HERC2: variants seen among roughly 807,000 people sequenced by gnomAD.
HERC2 encodes HECT and RLD domain containing E3 ubiquitin protein ligase 2.
HERC2 carries 102 observed loss-of-function variants against 537.7 expected under a neutral mutation model. The ratio of observed to expected loss-of-function variants is 0.19; its 90% CI spans 0.16 to 0.22. The LOEUF is 0.22. Ranked by LOEUF, HERC2 falls within the 10% of genes least tolerant of loss-of-function variation. The pLI is 1.00. For missense variants in HERC2, 4,236 were observed against 6,198.2 expected (o/e 0.68, Z 10.63); for synonymous variants, 2,224 against 2,466.2 (o/e 0.90, Z 2.91).
chr15:28,228,149 AG>A, intron 35 of HERC2, 68 bp downstream of exon 35: 1 of 1,345,450 alleles, frequency 7.4e-7, no homozygotes. Flanking sequence ...AAAAAAGAAA[AG>A]AAAAGAAAAG....
At position 28,256,092 on chromosome 15, in the gene HERC2, C is replaced by T. The variant is rs550587588; in HGVS notation, c.2743G>A (p.Ala915Thr). ...CCTGTTCCTTCCCCAGGCCCACCTG[C>T]GCAGGGCAGGAGAGCAGAGAGTGCC... The part of the protein sequence containing the change: ...ARALSALLPC[A>T]VSGNEVNISP... The change falls in exon 18 of 93, where the codon GCA becomes ACA. Residue 915 changes from alanine (A) to threonine (T), a missense_variant. Physicochemically the swap from Ala to Thr is moderately conservative, Grantham distance 58. Transcript: ENST00000261609. 1.1e-5 allele frequency: 17 copies of T among 1,603,528 alleles called. 1 individual carries two copies. Among genetic ancestry groups the T allele is most frequent in the East Asian group, 6.7e-5 (3 of 44,836 alleles).
Position 28,280,272 on chromosome 15 carries a change from T to A in HERC2, c.338A>T (p.Lys113Met). 1 of 1,609,854 alleles carries A rather than the reference T, an allele frequency of 6.2e-7. No homozygotes were observed. Among genetic ancestry groups the A allele is most frequent in the Non-Finnish European group, 8.5e-7 (1 of 1,178,650 alleles). ...WGKQPDVNELKECLSVLVKEQ... is the reference protein window; with the variant it reads ...WGKQPDVNELMECLSVLVKEQ... Reference sequence around the variant, plus strand: ...TTTAACCAGCACAGAAAGACACTCCTTCAGTTCATTCACATCTAGAAAATA... The same window carrying A: ...TTTAACCAGCACAGAAAGACACTCCATCAGTTCATTCACATCTAGAAAATA... Residue 113 changes from lysine to methionine, a missense_variant, in exon 5 of 93, where the codon AAG (lysine) becomes ATG (methionine). By Grantham distance (95) the Lys-to-Met change is moderately conservative (BLOSUM62 -1). Transcript: ENST00000261609.
chr15:28,279,796 G>C, intron 5 of HERC2, among the ~76,000 whole-genome samples: 1 of 152,050 alleles, frequency 6.6e-6, no homozygotes, highest in Non-Finnish European at 1.5e-5. Flanking sequence ...CTGGGTGACA[G>C]AGCAAGACAT....
At chr15:28,160,605 G>C (rs1210715872) in intron 69 of HERC2, among the ~76,000 whole-genome samples, 3 of 152,230 alleles carry the variant, frequency 2.0e-5, no homozygotes, top group African/African-American at 7.2e-5. Context: ...GGGTGGGAGT[G>C]ACCCAATTTT....
rs142465162 is a variant in HERC2 at position 28,137,373 on chromosome 15, C to T, written c.12016-1681G>A. The stretch of plus-strand genomic sequence containing the variant: ...TTTGACTGTGCCTTGCTTTACTGTA[C>T]CTCGCAGATACTGTTTTTTATAAAC... On this transcript the variant is annotated intron_variant, in intron 78 of 92. Coordinates refer to ENST00000261609, the MANE Select transcript of HERC2 (RefSeq NM_004667.6). 2.1e-3 allele frequency among the ~76,000 whole-genome samples: 320 copies of T among 152,270 alleles called. 3 individuals are homozygous for T. Among genetic ancestry groups the T allele is most frequent in the Admixed American group, 0.016 (242 of 15,300 alleles).
At chr15:28,195,043 G>A (rs552601055) in intron 52 of HERC2, among the ~76,000 whole-genome samples, 1 of 149,742 alleles carries the variant, frequency 6.7e-6, no homozygotes, top group Non-Finnish European at 1.5e-5. Context: ...GCAACAGAGT[G>A]AGACTCCGTC....
rs752428564 is a variant in HERC2, at chr15:28,280,220, T to G, written c.390A>C (p.Ser130=). 59 of 1,614,022 alleles carry G rather than the reference T, an allele frequency of 3.7e-5. 1 individual carries two copies. In the Middle Eastern group the frequency reaches 1.3e-3, roughly 36 times the overall value. ...VKEQQALAVQ[S]ATTTLSALRL... ...GCAGGGCTGAGAGGGTGGTGGTGGC[T>G]GACTGGACGGCCAGGGCCTGCTGCT... The change falls in exon 5 of 93, where the codon TCA becomes TCC. Residue 130 remains serine, a synonymous_variant. Coordinates refer to ENST00000261609, the MANE Select transcript of HERC2 (RefSeq NM_004667.6).
At chr15:28,280,361 G>A (rs1369035251) in intron 4 of HERC2, 74 bp from the exon 5 acceptor site, 2 of 1,231,408 alleles carry the variant, frequency 1.6e-6, no homozygotes, top group East Asian at 4.7e-5. Context: ...TGAGAAAATG[G>A]ATGATGACGA....
chr15:28,169,745 C>T, intron 65 of HERC2, 90 bp from the exon 66 acceptor site: 1 of 1,226,130 alleles, frequency 8.2e-7, no homozygotes, highest in Admixed American at 2.3e-5. Flanking sequence ...AGTTCCAAAA[C>T]ACACTGCAAT....
chr15:28,125,200 G>A lies in HERC2; in HGVS notation c.12803-7C>T, dbSNP rs964612146. On this transcript the variant is annotated splice_region_variant and splice_polypyrimidine_tract_variant and intron_variant, in intron 83 of 92. Transcript: ENST00000261609. Reference sequence around the variant, plus strand: ...CCCCATGTATAAACCTCACCTGAATGAAGTGAATTTAGAATCAGAACCTGT... The same window carrying A: ...CCCCATGTATAAACCTCACCTGAATAAAGTGAATTTAGAATCAGAACCTGT... 2 of 1,599,302 alleles carry A rather than the reference G, an allele frequency of 1.3e-6. No homozygotes were observed. The highest frequency in any genetic ancestry group is 1.3e-5 in the African/African-American group (1 of 74,802).
chr15:28,299,304 C>T (rs2076555538), intron 3 of HERC2, 98 bp downstream of exon 3: 1 of 466,994 alleles, frequency 2.1e-6, no homozygotes, highest in South Asian at 5.7e-5. Context: ...AAGAGTTAAG[C>T]TCAAAGCTCC....
rs1008955801 is a variant in HERC2 at position 28,177,276 on chromosome 15, C to T, written c.9254+143G>A. 1 of 1,203,774 alleles carries T rather than the reference C, an allele frequency of 8.3e-7. No individual in the cohort carries two copies. The highest frequency in any genetic ancestry group is 2.4e-5 in the East Asian group (1 of 40,902). The allele number at this position is 1,203,774 out of a possible 1,614,324, so 74.6% of individuals were successfully genotyped here. On this transcript the variant is annotated intron_variant, in intron 60 of 92. Coordinates refer to ENST00000261609, the MANE Select transcript of HERC2 (RefSeq NM_004667.6). The surrounding 1 kb of genome is among the most constrained non-coding windows in gnomAD (Gnocchi z 5.0). ...TAAAGCAGAACCGGTGAGACCAAAA[C>T]ACAAACAACCGTGTTAAAAAAATTT...
intron 2 of HERC2, among the ~76,000 whole-genome samples, chr15:28,317,277 C>T (rs1414828632): frequency 1.3e-5 from 2 of 152,260 alleles, no homozygotes. Context: ...TTAGTAGAGA[C>T]AGGGTTTCAC....
chr15:28,257,444 C>T (rs2075296593), intron 16 of HERC2, among the ~76,000 whole-genome samples, 183 bp from the exon 17 acceptor site: 1 of 138,008 alleles, frequency 7.2e-6, no homozygotes, highest in African/African-American at 3.4e-5. Context: ...ATTTTCCCAC[C>T]CATTTCACTA....
intron 65 of HERC2, among the ~76,000 whole-genome samples, chr15:28,173,463 A>G (rs556740772): frequency 6.6e-6 from 1 of 152,336 alleles, no homozygotes; most frequent in South Asian, 2.1e-4. Flanking sequence ...AGATTTTTAA[A>G]AAGAGTATAT....
chr15:28,276,308 T>C (rs1296909109), intron 5 of HERC2, among the ~76,000 whole-genome samples: 1 of 151,708 alleles, frequency 6.6e-6, no homozygotes, highest in African/African-American at 2.4e-5. Flanking sequence ...CAGTACACGC[T>C]TATCCACAAG....
Position 28,272,472 on chromosome 15 carries a change from A to G in HERC2, c.912-86T>C, listed in dbSNP as rs1052432750. 9 of 1,219,504 alleles carry G rather than the reference A, an allele frequency of 7.4e-6. No homozygotes were observed. In the Admixed American group the frequency reaches 1.3e-4, roughly 18 times the overall value. The allele number at this position is 1,219,504 out of a possible 1,614,324, so 75.5% of individuals were successfully genotyped here. ...ATCAAAAATAAAAGCAAATAGCTGG[A>G]TAGAAGTGAACAAATACTTGGGATT... On this transcript the variant is annotated intron_variant, in intron 8 of 92. Transcript: ENST00000261609.
chr15:28,163,129 C>T lies in HERC2; in HGVS notation c.10711G>A (p.Ala3571Thr), dbSNP rs370009597. The T allele has an allele frequency of 4.7e-5, 75 of 1,611,960 alleles. No individual in the cohort carries two copies. Among genetic ancestry groups the T allele is most frequent in the Middle Eastern group, 1.6e-4 (1 of 6,084 alleles). ...GCGGTCCCCATGCCGGAAAGCACCG[C>T]GGAGAGCACATCCCTGCCCCTGTCC... ...AGDRGRDVLSAVLSGMGTAYP... is the reference protein window; with the variant it reads ...AGDRGRDVLSTVLSGMGTAYP... The change falls in exon 69 of 93, where the codon GCG (alanine) becomes ACG (threonine). Residue 3571 changes from alanine (A) to threonine (T), a missense_variant. Physicochemically the swap from Ala to Thr is moderately conservative, Grantham distance 58 (BLOSUM62 0). This residue lies in a region of HERC2 where 356 missense variants were observed against 450.9 expected (regional missense o/e 0.79). Transcript: ENST00000261609.
In HERC2 at chr15:28,115,365, C is replaced by A. The variant is rs566977138; in HGVS notation, c.13722+64G>T. ...CCAGAGTTCACAGCCTGACCGGACC[C>A]GCAGAACAGACTGTGCCTGTTAACA... On this transcript the variant is annotated intron_variant, in intron 89 of 92. Transcript: ENST00000261609. The A allele has an allele frequency of 3.1e-5, 35 of 1,113,568 alleles. No homozygotes were observed. The Middle Eastern group carries it at 1.1e-3, about 35-fold the overall frequency. The allele number at this position is 1,113,568 out of a possible 1,614,324, so 69.0% of individuals were successfully genotyped here.
Sources: gnomAD v4.1 joint callset for allele counts (sites outside exome capture counted in the v4.1 genomes callset) on GRCh38, gnomAD v4.1.1 for gene constraint, gnomAD v4.1.1 regional missense constraint, Gnocchi (gnomAD v3.1) non-coding constraint, MANE v1.5 for transcripts, NCBI Gene and HGNC (gene_info 2026-07-23, HGNC 2026-07-21) for gene names.